Variants in AIMP1 observed in about 807,000 individuals in gnomAD.
The protein encoded by AIMP1 is aminoacyl tRNA synthetase complex interacting multifunctional protein 1.
A neutral mutation model predicts 33.1 loss-of-function variants in AIMP1; 24 were observed. The observed-to-expected ratio is 0.73, with a 90% CI of 0.53 to 1.02. The LOEUF (loss-of-function observed/expected upper bound fraction) is 1.02. Among genes scored for constraint, AIMP1 ranks in the 50% least tolerant of loss-of-function variants. The probability of loss-of-function intolerance (pLI) is 0.00; values close to 1 mark genes in which losing one functional copy is unlikely to be tolerated. For missense variants in AIMP1, 367 were observed against 364.8 expected (o/e 1.01, Z -0.05); for synonymous variants, 120 against 121.5 (o/e 0.99, Z 0.08).
At chr4:106,315,770 T>A (rs535364062), upstream of AIMP1, 1 of 152,326 alleles carries the variant, frequency 6.6e-6, no homozygotes, top group Non-Finnish European at 1.5e-5. Flanking sequence ...AGGCGGGCTG[T>A]AGCTAGGGAT....
Position 106,327,863 on chromosome 4 carries a change from G to T in AIMP1, c.224-213G>T, listed in dbSNP as rs968603211. Among the ~76,000 whole-genome samples the T allele has an allele frequency of 2.0e-4, 31 of 152,166 alleles. No individual in the cohort carries two copies. Among genetic ancestry groups the T allele is most frequent in the Non-Finnish European group, 4.0e-4 (27 of 67,980 alleles). On this transcript the variant is annotated intron_variant, in intron 3 of 6. Transcript: ENST00000672341. Reference sequence around the variant, plus strand: ...CTCGGTTTAGTAATTGATTAAATGGGAATCATGCCTTTATTCTTTGATACC... The same window carrying T: ...CTCGGTTTAGTAATTGATTAAATGGTAATCATGCCTTTATTCTTTGATACC...
chr4:106,321,116 C>A (rs1186196747), intron 1 of AIMP1, among the ~76,000 whole-genome samples: 1 of 152,208 alleles, frequency 6.6e-6, no homozygotes, highest in Non-Finnish European at 1.5e-5. Flanking sequence ...CTCCCAGCCG[C>A]CTGCCTTGGC....
chr4:106,325,004 G>A lies in AIMP1; in HGVS notation c.-6G>A, dbSNP rs376462029. On this transcript the variant is annotated 5_prime_UTR_variant, in exon 2 of 7. Coordinates refer to ENST00000672341, the MANE Select transcript of AIMP1 (RefSeq NM_001142416.2). ...CTATAGGATTTTCTGCCGTCTCTTG[G>A]CAAAAATGGCAAATAATGATGCTGT... The A allele has an allele frequency of 3.8e-6, 6 of 1,596,388 alleles. No homozygotes were observed. The highest frequency in any genetic ancestry group is 5.1e-6 in the Non-Finnish European group (6 of 1,171,936).
chr4:106,324,516 TA>T (rs1267239687), intron 1 of AIMP1, among the ~76,000 whole-genome samples: 2 of 152,076 alleles, frequency 1.3e-5, no homozygotes, highest in African/African-American at 4.8e-5. Flanking sequence ...TTTTTTCTTT[TA>T]ATATTTATCT....
intron 1 of AIMP1, among the ~76,000 whole-genome samples, chr4:106,322,493 TCAA>T (rs1435268202): frequency 6.6e-6 from 1 of 152,176 alleles, no homozygotes; most frequent in Non-Finnish European, 1.5e-5. Flanking sequence ...TGATAATTAA[TCAA>T]CAAGTATTAG....
intron 6 of AIMP1, among the ~76,000 whole-genome samples, chr4:106,345,129 T>C (rs1171117781): frequency 6.6e-6 from 1 of 152,224 alleles, no homozygotes; most frequent in African/African-American, 2.4e-5. Context: ...TATGGCACTT[T>C]CTTTCTAGAT....
At chr4:106,330,489 T>G (rs1283538107) in intron 4 of AIMP1, among the ~76,000 whole-genome samples, 1 of 152,252 alleles carries the variant, frequency 6.6e-6, no homozygotes, top group Non-Finnish European at 1.5e-5. Flanking sequence ...TTATTTTAAG[T>G]TAATTCCATC....
At chr4:106,319,263 T>C (rs536553300) in intron 1 of AIMP1, among the ~76,000 whole-genome samples, 1 of 152,296 alleles carries the variant, frequency 6.6e-6, no homozygotes, top group East Asian at 1.9e-4. Context: ...TTCAAAAAGA[T>C]TGCAGGCAAT....
chr4:106,327,009 T>C (rs1769479171), intron 2 of AIMP1, among the ~76,000 whole-genome samples: 1 of 152,180 alleles, frequency 6.6e-6, no homozygotes. Context: ...ACTCCTGGGC[T>C]CAAGTGATCC....
At position 106,325,133 on chromosome 4, in the gene AIMP1, A is replaced by C. The variant is rs1388234518; in HGVS notation, c.109+15A>C. Reference sequence around the variant, plus strand: ...GGAGAAAGCAAGTAAGAAAATTTAAAATTTTTTGAGGAGATACTTAAAATG... The same window carrying C: ...GGAGAAAGCAAGTAAGAAAATTTAACATTTTTTGAGGAGATACTTAAAATG... On this transcript the variant is annotated intron_variant, in intron 2 of 6. Transcript: ENST00000672341. 1 of 1,602,530 alleles carries C rather than the reference A, an allele frequency of 6.2e-7. No homozygotes were observed. The highest frequency in any genetic ancestry group is 1.7e-5 in the Admixed American group (1 of 59,500).
chr4:106,316,356 C>G (rs1225146992), upstream of AIMP1: 4 of 580,246 alleles, frequency 6.9e-6, no homozygotes, highest in South Asian at 2.1e-5. Context: ...TGCGGGGGGA[C>G]GGGGGGGGTC....
intron 4 of AIMP1, among the ~76,000 whole-genome samples, chr4:106,329,416 A>G (rs1769581136): frequency 6.6e-6 from 1 of 152,184 alleles, no homozygotes. Context: ...CTTTGATGGA[A>G]GAGGGAGCAC....
In AIMP1 at chr4:106,325,124, AAAATTTAAAATTT is replaced by A; in HGVS notation, c.109+7_109+19del. The A allele has an allele frequency of 6.2e-7, 1 of 1,606,428 alleles. No individual in the cohort carries two copies. Among genetic ancestry groups the A allele is most frequent in the Non-Finnish European group, 8.5e-7 (1 of 1,175,654 alleles). On this transcript the variant is annotated splice_region_variant and intron_variant, in intron 2 of 6. Transcript: ENST00000672341. ...TCTACTTAAGGAGAAAGCAAGTAAG[AAAATTTAAAATTT>A]TTTGAGGAGATACTTAAAATGAATT... is the stretch of plus-strand genomic sequence containing the variant.
At position 106,320,173 on chromosome 4, in the gene AIMP1, T is replaced by C. The variant is rs536541053; in HGVS notation, c.-26+3579T>C. On this transcript the variant is annotated intron_variant, in intron 1 of 6. Coordinates refer to ENST00000672341, the MANE Select transcript of AIMP1 (RefSeq NM_001142416.2). ...GGTTGACTTATACTCAATGTAAAAT[T>C]GAAAAATCACAGGGGAGTAATTAGC... Among the ~76,000 whole-genome samples, 20 of 152,258 alleles carry C rather than the reference T, an allele frequency of 1.3e-4. No individual in the cohort carries two copies. In the East Asian group the frequency reaches 3.7e-3, roughly 28 times the overall value.
At position 106,331,797 on chromosome 4, in the gene AIMP1, T is replaced by C. The variant is rs746037211; in HGVS notation, c.517T>C (p.Ser173Pro). 5 of 1,614,138 alleles carry C rather than the reference T, an allele frequency of 3.1e-6. No individual in the cohort carries two copies. The highest frequency in any genetic ancestry group is 1.7e-5 in the Admixed American group (1 of 60,030). Residue 173 changes from serine to proline, a missense_variant, in exon 5 of 7, where the codon TCT becomes CCT. Ser to Pro is a moderately conservative substitution (Grantham distance 74). Transcript: ENST00000672341. ...ITARKHPDAD[S>P]LYVEEVDVGE... is the part of the protein sequence containing the mutation. ...TGCTAGAAAACACCCTGATGCAGAT[T>C]CTTTGTATGTGGAAGAAGTAGATGT...
chr4:106,315,905 G>C (rs779192073), upstream of AIMP1: 1 of 152,980 alleles, frequency 6.5e-6, no homozygotes, highest in African/African-American at 2.4e-5. Context: ...CTACGACACG[G>C]AAAACTGGAT....
upstream of AIMP1, chr4:106,316,335 A>T (rs1035162697): frequency 1.2e-5 from 7 of 565,588 alleles, no homozygotes; most frequent in African/African-American, 1.3e-4. Context: ...ATATAGCGAG[A>T]GAGAAAGAGG....
intron 5 of AIMP1, among the ~76,000 whole-genome samples, chr4:106,333,928 C>A (rs1372396078): frequency 6.6e-6 from 1 of 151,994 alleles, no homozygotes; most frequent in Non-Finnish European, 1.5e-5. Context: ...TATTTACTTT[C>A]TTGAAGAAAT....
chr4:106,338,553 C>T (rs897460044), intron 6 of AIMP1, among the ~76,000 whole-genome samples: 1 of 152,132 alleles, frequency 6.6e-6, no homozygotes, highest in African/African-American at 2.4e-5. Flanking sequence ...AACTGAGGTT[C>T]GGGAACCTCC....
Sources: allele counts gnomAD v4.1 joint callset (sites outside exome capture counted in the v4.1 genomes callset), GRCh38; gene constraint gnomAD v4.1.1; transcripts MANE v1.5; gene names NCBI Gene and HGNC (gene_info 2026-07-23, HGNC 2026-07-21).